PHF14: variants seen among roughly 807,000 people sequenced by gnomAD.
The protein encoded by PHF14 is PHD finger protein 14.
In PHF14, 55 loss-of-function variants were observed where a neutral mutation model predicts 117.9. The ratio of observed to expected loss-of-function variants is 0.47; its 90% CI spans 0.38 to 0.58. The LOEUF is 0.58. PHF14 is among the 20% of genes least tolerant of loss of function. The probability of loss-of-function intolerance (pLI) is 0.00; values close to 1 mark genes in which losing one functional copy is unlikely to be tolerated. For missense variants in PHF14, 978 were observed against 1,122.2 expected (o/e 0.87, Z 1.84); for synonymous variants, 409 against 368.6 (o/e 1.11, Z -1.26).
chr7:11,127,948 C>T (rs1440201695), intron 17 of PHF14, among the ~76,000 whole-genome samples: 5 of 151,850 alleles, frequency 3.3e-5, no homozygotes, highest in Non-Finnish European at 7.4e-5. Flanking sequence ...ATACCAGTTC[C>T]TGAACTCCTC....
At chr7:11,003,160 T>G (rs925316441) in intron 4 of PHF14, among the ~76,000 whole-genome samples, 2 of 152,238 alleles carry the variant, frequency 1.3e-5, no homozygotes, top group Non-Finnish European at 1.5e-5. Flanking sequence ...AGGATGGTCT[T>G]GATCTCCTGA....
intron 11 of PHF14, 118 bp downstream of exon 11, chr7:11,038,973 C>T: frequency 2.2e-6 from 1 of 450,256 alleles, no homozygotes. Context: ...TGATCAGGGC[C>T]TAATCCTTTG....
At chr7:11,016,527 GGA>G (rs1275312957) in intron 5 of PHF14, among the ~76,000 whole-genome samples, 1 of 151,838 alleles carries the variant, frequency 6.6e-6, no homozygotes, top group African/African-American at 2.4e-5. Context: ...TATATCTTAT[GGA>G]GAGTAAGACT....
At chr7:11,014,594 G>A (rs1783461166) in intron 5 of PHF14, among the ~76,000 whole-genome samples, 1 of 152,074 alleles carries the variant, frequency 6.6e-6, no homozygotes, top group South Asian at 2.1e-4. Context: ...GTATATAGCT[G>A]GGGCAGAGCA....
chr7:11,001,588 T>C (rs988365810), intron 4 of PHF14, among the ~76,000 whole-genome samples: 10 of 152,120 alleles, frequency 6.6e-5, no homozygotes, highest in African/African-American at 2.4e-4. Flanking sequence ...GCAGTTTTCT[T>C]CATAGAGATC....
chr7:11,061,961 C>T lies in PHF14; in HGVS notation c.2533-3C>T, dbSNP rs1460969153. ...TTTTATTTTATTATCCCTTGTATGG[C>T]AGGAAAGAGTTCCTAGAGAGAGAAG... is the stretch of plus-strand genomic sequence containing the variant. On this transcript the variant is annotated splice_polypyrimidine_tract_variant and splice_region_variant and intron_variant, in intron 15 of 17. Transcript: ENST00000634607. The T allele has an allele frequency of 1.3e-6, 2 of 1,586,070 alleles. No homozygotes were observed. Among genetic ancestry groups the T allele is most frequent in the Admixed American group, 3.6e-5 (2 of 55,688 alleles).
At chr7:11,017,153 GTGGAAACT>G (rs1450429708) in intron 5 of PHF14, among the ~76,000 whole-genome samples, 1 of 152,092 alleles carries the variant, frequency 6.6e-6, no homozygotes, top group Non-Finnish European at 1.5e-5. Context: ...TCGTCTGTTG[GTGGAAACT>G]TAGGTTGCTT....
intron 17 of PHF14, among the ~76,000 whole-genome samples, chr7:11,156,198 G>T (rs183473713): frequency 3.3e-5 from 5 of 152,186 alleles, no homozygotes. Context: ...AATCCAAGAT[G>T]TGGAAATAAT....
At chr7:11,025,324 T>G (rs1309954513) in intron 6 of PHF14, among the ~76,000 whole-genome samples, 1 of 152,136 alleles carries the variant, frequency 6.6e-6, no homozygotes, top group African/African-American at 2.4e-5. Flanking sequence ...AACAAAAGAC[T>G]TAGGATATTA....
intron 17 of PHF14, among the ~76,000 whole-genome samples, chr7:11,148,166 T>C (rs1788604296): frequency 6.6e-6 from 1 of 152,234 alleles, no homozygotes; most frequent in Non-Finnish European, 1.5e-5. Flanking sequence ...ATTTGTGTTC[T>C]TTCCTAATTT....
intron 16 of PHF14, among the ~76,000 whole-genome samples, chr7:11,084,348 C>A (rs556108184): frequency 1.3e-5 from 2 of 152,272 alleles, no homozygotes; most frequent in East Asian, 3.9e-4. Flanking sequence ...TTTCTTCTTA[C>A]ATCCTCTAAA....
intron 17 of PHF14, among the ~76,000 whole-genome samples, chr7:11,129,925 A>G (rs1475369044): frequency 6.6e-6 from 1 of 152,064 alleles, no homozygotes; most frequent in Admixed American, 6.6e-5. Context: ...TTGGCAAAAA[A>G]TACAACATTT....
intron 17 of PHF14, among the ~76,000 whole-genome samples, chr7:11,123,548 G>C (rs930858610): frequency 6.6e-6 from 1 of 152,118 alleles, no homozygotes; most frequent in East Asian, 1.9e-4. Flanking sequence ...TTGGGAGGCC[G>C]AGACAGGCAG....
intron 4 of PHF14, among the ~76,000 whole-genome samples, chr7:11,002,401 G>A (rs1782908799): frequency 6.6e-6 from 1 of 151,996 alleles, no homozygotes; most frequent in African/African-American, 2.4e-5. Context: ...ATATCAGGTT[G>A]ACAGTGAGGT....
At chr7:11,035,490 CATTATGTACAAAAATTATTTTTGTA>C (rs1245771022) in intron 7 of PHF14, 125 bp from the exon 8 acceptor site, 16 of 420,520 alleles carry the variant, frequency 3.8e-5, no homozygotes, top group Admixed American at 3.0e-4. Context: ...TAATTTTTGT[CATTATGTACAAAAATTATTTTTGTA>C]ATTTATTAGA....
chr7:11,059,146 A>C (rs1264377200), intron 14 of PHF14, among the ~76,000 whole-genome samples: 4 of 152,196 alleles, frequency 2.6e-5, no homozygotes, highest in African/African-American at 7.2e-5. Context: ...AATTGGCATT[A>C]TACCATATGA....
chr7:11,059,592 A>G (rs919691208), intron 14 of PHF14, among the ~76,000 whole-genome samples: 1 of 152,116 alleles, frequency 6.6e-6, no homozygotes, highest in Non-Finnish European at 1.5e-5. Context: ...CCTGGCCAAC[A>G]TGGCAACCCG....
chr7:11,119,795 T>A (rs556829530), intron 17 of PHF14, among the ~76,000 whole-genome samples: 2 of 152,040 alleles, frequency 1.3e-5, no homozygotes, highest in African/African-American at 4.8e-5. Context: ...AACTTTCAAA[T>A]CTAAGCCAAG....
At chr7:11,126,881 A>G (rs1202505340) in intron 17 of PHF14, among the ~76,000 whole-genome samples, 1 of 151,946 alleles carries the variant, frequency 6.6e-6, no homozygotes, top group Non-Finnish European at 1.5e-5. Context: ...TGTTCTTCAT[A>G]TTAAATGCCT....
Sources: gnomAD v4.1 joint callset for allele counts (sites outside exome capture counted in the v4.1 genomes callset) on GRCh38, gnomAD v4.1.1 for gene constraint, MANE v1.5 for transcripts, NCBI Gene and HGNC (gene_info 2026-07-23, HGNC 2026-07-21) for gene names.